The following TENM3 variants were observed in gnomAD, a reference collection of about 807,000 sequenced individuals.
TENM3 encodes teneurin transmembrane protein 3.
TENM3 carries 63 observed loss-of-function variants against 255.1 expected under a neutral mutation model. That is an observed-to-expected ratio of 0.25 (90% CI 0.20 to 0.30). TENM3 has a LOEUF of 0.30. Ranked by LOEUF, TENM3 falls within the 10% of genes least tolerant of loss-of-function variation. The probability of loss-of-function intolerance (pLI) is 1.00; values close to 1 mark genes in which losing one functional copy is unlikely to be tolerated. For missense variants in TENM3, 2,929 were observed against 3,461.1 expected, an observed-to-expected ratio of 0.85 and a Z score of 3.86; for synonymous variants, 1,306 against 1,322.3, an observed-to-expected ratio of 0.99 and a Z score of 0.27.
intron 3 of TENM3, among the ~76,000 whole-genome samples, chr4:182,596,503 A>C (rs1747239990): frequency 6.6e-6 from 1 of 152,214 alleles, no homozygotes; most frequent in South Asian, 2.1e-4. Flanking sequence ...TTTTACCTGG[A>C]GAAAACAGAG....
chr4:181,665,870 T>G, the TENM3 span, among the ~76,000 whole-genome samples: 1 of 152,050 alleles, frequency 6.6e-6, no homozygotes, highest in Non-Finnish European at 1.5e-5. Flanking sequence ...TCTAAAAATC[T>G]TAAAAATAGA....
At chr4:181,573,028 A>G in the TENM3 span, among the ~76,000 whole-genome samples, 1 of 135,654 alleles carries the variant, frequency 7.4e-6, no homozygotes, top group Non-Finnish European at 1.6e-5. Context: ...TTCACTTAAC[A>G]TAATGACCCT....
At chr4:181,530,137 G>A in the TENM3 span, among the ~76,000 whole-genome samples, 1 of 152,128 alleles carries the variant, frequency 6.6e-6, no homozygotes, top group African/African-American at 2.4e-5. Context: ...TTAAGTGTCA[G>A]AGAAGAGACA....
the TENM3 span, among the ~76,000 whole-genome samples, chr4:181,708,871 C>G: frequency 6.6e-6 from 1 of 152,082 alleles, no homozygotes; most frequent in African/African-American, 2.4e-5. Context: ...CAAGACAGGC[C>G]TAGAATGTTC....
chr4:182,746,497 G>A (rs1486452300), intron 19 of TENM3, among the ~76,000 whole-genome samples: 3 of 152,176 alleles, frequency 2.0e-5, no homozygotes, highest in East Asian at 1.9e-4. Flanking sequence ...TGGTAATCAC[G>A]AGAGATACAG....
chr4:182,717,522 C>G (rs1329321396), intron 13 of TENM3, among the ~76,000 whole-genome samples: 1 of 152,274 alleles, frequency 6.6e-6, no homozygotes, highest in African/African-American at 2.4e-5. Flanking sequence ...TAAGGTATCC[C>G]CCTCATCTGC....
chr4:182,736,482 G>A (rs757586736), intron 16 of TENM3, among the ~76,000 whole-genome samples: 49 of 152,326 alleles, frequency 3.2e-4, no homozygotes, highest in African/African-American at 9.9e-4. Context: ...AGTGTTTCCC[G>A]TATGAAGAGT....
intron 1 of TENM3, among the ~76,000 whole-genome samples, chr4:182,233,582 A>G (rs1433789114): frequency 6.6e-6 from 1 of 152,202 alleles, no homozygotes; most frequent in Non-Finnish European, 1.5e-5. Context: ...ACCACTTAAA[A>G]TTCACAGAAG....
chr4:182,046,549 A>AAATAATAATAATAAT, the TENM3 span, among the ~76,000 whole-genome samples: 7 of 143,110 alleles, frequency 4.9e-5, no homozygotes, highest in African/African-American at 1.8e-4. Flanking sequence ...ACAAAAAACT[A>AAATAATAATAATAAT]AATAATAATA....
chr4:181,638,192 TACTTATCCC>T, the TENM3 span, among the ~76,000 whole-genome samples: 1 of 152,238 alleles, frequency 6.6e-6, no homozygotes, highest in Non-Finnish European at 1.5e-5. Context: ...TAATAGAACC[TACTTATCCC>T]ACACAGACTG....
chr4:182,661,520 A>G lies in TENM3; in HGVS notation c.1111+7627A>G, dbSNP rs1312939357. Among the ~76,000 whole-genome samples, 5 of 152,196 alleles carry G rather than the reference A, an allele frequency of 3.3e-5. No individual in the cohort carries two copies. In the East Asian group the frequency reaches 9.6e-4, roughly 29 times the overall value. On this transcript the variant is annotated intron_variant, in intron 6 of 27. Coordinates refer to ENST00000511685, the MANE Select transcript of TENM3 (RefSeq NM_001080477.4). ...AGTACTTGTGTTATTACAATGTGTA[A>G]TAGCTCCTTAATTAGATGCTATATT...
chr4:181,572,408 C>T, the TENM3 span, among the ~76,000 whole-genome samples: 2 of 152,034 alleles, frequency 1.3e-5, no homozygotes, highest in Non-Finnish European at 2.9e-5. Context: ...TAAAGTAGGT[C>T]TATATTCAGT....
chr4:182,440,547 T>G (rs376576340), intron 3 of TENM3, among the ~76,000 whole-genome samples: 1 of 152,118 alleles, frequency 6.6e-6, no homozygotes. Flanking sequence ...GCCTGATGAC[T>G]CAAAGGTGAT....
intron 1 of TENM3, among the ~76,000 whole-genome samples, chr4:182,232,949 C>T (rs1436616278): frequency 6.6e-6 from 1 of 152,156 alleles, no homozygotes; most frequent in Non-Finnish European, 1.5e-5. Context: ...TTTAAACTTA[C>T]AGATTTTTTA....
intron 3 of TENM3, among the ~76,000 whole-genome samples, chr4:182,384,053 A>C (rs1253114862): frequency 6.6e-6 from 1 of 152,192 alleles, no homozygotes; most frequent in African/African-American, 2.4e-5. Context: ...CATTGGGCCT[A>C]GGAAGTCAGG....
the TENM3 span, among the ~76,000 whole-genome samples, chr4:181,493,963 G>T: frequency 6.6e-6 from 1 of 152,106 alleles, no homozygotes; most frequent in African/African-American, 2.4e-5. Flanking sequence ...TCACTAGGCA[G>T]TATCATATAG....
At chr4:181,781,395 G>T in the TENM3 span, among the ~76,000 whole-genome samples, 1 of 152,138 alleles carries the variant, frequency 6.6e-6, no homozygotes, top group African/African-American at 2.4e-5. Flanking sequence ...TTGTGAATGG[G>T]AATTCACTCA....
At chr4:182,426,672 T>A (rs1771247419) in intron 3 of TENM3, among the ~76,000 whole-genome samples, 1 of 152,194 alleles carries the variant, frequency 6.6e-6, no homozygotes, top group African/African-American at 2.4e-5. Context: ...TCTTTATATT[T>A]TTAGGGCCCA....
the TENM3 span, among the ~76,000 whole-genome samples, chr4:181,827,372 C>T: frequency 2.0e-5 from 3 of 152,296 alleles, no homozygotes; most frequent in East Asian, 5.8e-4. Context: ...TCAGGTTCAC[C>T]TCTGTTCTTA....
Sources: allele counts gnomAD v4.1 joint callset (sites outside exome capture counted in the v4.1 genomes callset), GRCh38; gene constraint gnomAD v4.1.1; transcripts MANE v1.5; gene names NCBI Gene and HGNC (gene_info 2026-07-23, HGNC 2026-07-21).